Variants in TMEM132B observed in about 807,000 individuals in gnomAD.
TMEM132B encodes transmembrane protein 132B.
TMEM132B carries 18 observed loss-of-function variants against 90.8 expected under a neutral mutation model. The ratio of observed to expected loss-of-function variants is 0.20; its 90% CI spans 0.14 to 0.29. The LOEUF is 0.29. Among genes scored for constraint, TMEM132B ranks in the 10% least tolerant of loss-of-function variants. The pLI, the probability that TMEM132B is intolerant of heterozygous loss-of-function variation, is 1.00. For missense variants in TMEM132B, 1,096 were observed against 1,326.8 expected (o/e 0.83, Z 2.70); for synonymous variants, 504 against 523.3 (o/e 0.96, Z 0.50).
At position 125,652,571 on chromosome 12, in the gene TMEM132B, C is replaced by T; in HGVS notation, c.2045C>T (p.Ala682Val). 1 of 1,613,810 alleles carries T rather than the reference C, an allele frequency of 6.2e-7. No individual in the cohort carries two copies. The highest frequency in any genetic ancestry group is 8.5e-7 in the Non-Finnish European group (1 of 1,179,782). Reference protein sequence around the residue: ...GMSLSLQPHRADKRAIVSTAA... With the variant: ...GMSLSLQPHRVDKRAIVSTAA... ...TCTCTCTCCCTGCAGCCACACCGAG[C>T]AGACAAAAGGGCCATCGTCTCCACA... Residue 682 changes from alanine to valine, a missense_variant, in exon 8 of 9, where the codon GCA (alanine) becomes GTA (valine). Physicochemically the swap from Ala to Val is moderately conservative, Grantham distance 64. Transcript: ENST00000682704.
rs116898108 is a variant in TMEM132B, at chr12:125,504,506, T to C, written c.1107-14933T>C. 9.7e-4 allele frequency among the ~76,000 whole-genome samples: 147 copies of C among 152,270 alleles called. 1 individual carries two copies. In the East Asian group the frequency reaches 0.011, roughly 12 times the overall value. Reference sequence around the variant, plus strand: ...AGAGAACGCTGGTTGTCATTTGTGATACTCCTTGGAAAAGTTGTCTTCATC... The same window carrying C: ...AGAGAACGCTGGTTGTCATTTGTGACACTCCTTGGAAAAGTTGTCTTCATC... On this transcript the variant is annotated intron_variant, in intron 3 of 8. Coordinates refer to ENST00000682704, the MANE Select transcript of TMEM132B (RefSeq NM_001366854.1).
Position 125,656,808 on chromosome 12 carries a change from C to CACCA in TMEM132B, c.*2098_*2099insACCA, listed in dbSNP as rs1374880990. On this transcript the variant is annotated 3_prime_UTR_variant, in exon 9 of 9. Transcript: ENST00000682704. ...AGCTATCCAGGTGAGTCGGCTCCTT[C>CACCA]TATGAGGCTTTTCAATCGTCTCTCC... 6.6e-6 allele frequency: 1 copy of CACCA among 152,222 alleles called. No homozygotes were observed. Among genetic ancestry groups the CACCA allele is most frequent in the African/African-American group, 2.4e-5 (1 of 41,446 alleles). 9.4% of individuals were successfully genotyped at this position (152,222 alleles called of 1,614,324 possible).
At chr12:125,417,286 G>C (rs1344299905) in intron 3 of TMEM132B, among the ~76,000 whole-genome samples, 1 of 152,162 alleles carries the variant, frequency 6.6e-6, no homozygotes, top group African/African-American at 2.4e-5. Flanking sequence ...AATATCCATG[G>C]AAGTCTTCCC....
rs982451380 is a variant in TMEM132B, at chr12:125,420,406, TG to T, written c.1106+4733del. Among the ~76,000 whole-genome samples, 241 of 152,328 alleles carry T rather than the reference TG, an allele frequency of 1.6e-3. 1 individual carries two copies. Among genetic ancestry groups the T allele is most frequent in the African/African-American group, 5.5e-3 (228 of 41,576 alleles). ...ACACCACATGTAAGCTGCTAAGGCT[TG>T]GGGCTGGCACCCTCTGAAGCCATGA... On this transcript the variant is annotated intron_variant, in intron 3 of 8. Transcript: ENST00000682704.
intron 1 of TMEM132B, among the ~76,000 whole-genome samples, chr12:125,206,382 C>T (rs374817817): frequency 7.9e-5 from 12 of 152,206 alleles, no homozygotes; most frequent in East Asian, 5.8e-4. Context: ...GGATTACAGG[C>T]ACGTGCCTCC....
chr12:125,277,725 G>T lies in TMEM132B; in HGVS notation c.68-71727G>T, dbSNP rs1875037186. Among the ~76,000 whole-genome samples, 1 of 152,138 alleles carries T rather than the reference G, an allele frequency of 6.6e-6. No individual in the cohort carries two copies. Among genetic ancestry groups the T allele is most frequent in the Admixed American group, 6.5e-5 (1 of 15,280 alleles). On this transcript the variant is annotated intron_variant, in intron 1 of 8. Transcript: ENST00000682704. This position sits in a 1 kb window ranked among gnomAD's most constrained non-coding sequence, Gnocchi z 4.3. ...ACCTCTGGCCCCCAGGACTATGAGA[G>T]AATAAATTTCTGTTGTTATAAGCCA...
Position 125,556,580 on chromosome 12 carries a change from C to T in TMEM132B, c.1294-27271C>T, listed in dbSNP as rs145410102. ...GTTGAGTCTTTGAGAAAACCAGTTCCGTATGAATAAGAGCTCAAACTAATC... is the reference window on the plus strand; with the variant it reads ...GTTGAGTCTTTGAGAAAACCAGTTCTGTATGAATAAGAGCTCAAACTAATC... On this transcript the variant is annotated intron_variant, in intron 4 of 8. Coordinates refer to ENST00000682704, the MANE Select transcript of TMEM132B (RefSeq NM_001366854.1). Among the ~76,000 whole-genome samples, 110 of 152,242 alleles carry T rather than the reference C, an allele frequency of 7.2e-4. 1 individual carries two copies. The highest frequency in any genetic ancestry group is 3.4e-3 in the Middle Eastern group (1 of 294).
chr12:125,445,982 TG>T lies in TMEM132B; in HGVS notation c.1106+30310del, dbSNP rs1880997113. On this transcript the variant is annotated intron_variant, in intron 3 of 8. Coordinates refer to ENST00000682704, the MANE Select transcript of TMEM132B (RefSeq NM_001366854.1). The surrounding 1 kb of genome is among the most constrained non-coding windows in gnomAD (Gnocchi z 4.3). ...ATCCCAGTGGAATTCTCTGCTATCC[TG>T]GGGGCTGCAACCTCGCTTTCTCCAA... Among the ~76,000 whole-genome samples the T allele has an allele frequency of 6.6e-6, 1 of 151,826 alleles. No individual in the cohort carries two copies. Among genetic ancestry groups the T allele is most frequent in the Admixed American group, 6.6e-5 (1 of 15,258 alleles).
At chr12:125,356,910 T>C (rs1264174805) in intron 2 of TMEM132B, among the ~76,000 whole-genome samples, 1 of 152,244 alleles carries the variant, frequency 6.6e-6, no homozygotes, top group African/African-American at 2.4e-5. Context: ...GTCCTGATTT[T>C]TTGACCTACT....
chr12:125,350,039 A>G lies in TMEM132B; in HGVS notation c.655A>G (p.Thr219Ala), dbSNP rs1566010034. Residue 219 changes from threonine to alanine, a missense_variant, in exon 2 of 9, where the codon ACG becomes GCG. By Grantham distance (58) the Thr-to-Ala change is moderately conservative. Coordinates refer to ENST00000682704, the MANE Select transcript of TMEM132B (RefSeq NM_001366854.1). ...GATCCCAGCCCTGCTCGGGGGCACC[A>G]CGATGGAGCTCTTCTTCACGCTCTA... ...EEIPALLGGT[T>A]MELFFTLYPA... The G allele has an allele frequency of 5.6e-6, 9 of 1,614,228 alleles. No homozygotes were observed. The highest frequency in any genetic ancestry group is 7.6e-6 in the Non-Finnish European group (9 of 1,180,038).
chr12:125,333,468 TG>T (rs1425730490), intron 1 of TMEM132B, among the ~76,000 whole-genome samples: 3 of 152,234 alleles, frequency 2.0e-5, no homozygotes, highest in Non-Finnish European at 4.4e-5. Flanking sequence ...GAAGAATAAA[TG>T]TCTAAGTCTG....
intron 1 of TMEM132B, among the ~76,000 whole-genome samples, chr12:125,333,353 T>TA (rs1472711885): frequency 6.6e-6 from 1 of 152,228 alleles, no homozygotes; most frequent in Non-Finnish European, 1.5e-5. Flanking sequence ...TATTTCCAAG[T>TA]AAGGTGACAT....
At chr12:125,199,754 G>C (rs1297144899) in intron 1 of TMEM132B, among the ~76,000 whole-genome samples, 1 of 152,068 alleles carries the variant, frequency 6.6e-6, no homozygotes, top group African/African-American at 2.4e-5. Flanking sequence ...GGCTCAAAAT[G>C]ACAGCTACAG....
chr12:125,652,320 T>G lies in TMEM132B; in HGVS notation c.1915-121T>G. On this transcript the variant is annotated intron_variant, in intron 7 of 8. Transcript: ENST00000682704. Reference sequence around the variant, plus strand: ...AACGGCATAATACTTCCCTAACCGATTCCCACAAATGCATGCATTGAGCCA... The same window carrying G: ...AACGGCATAATACTTCCCTAACCGAGTCCCACAAATGCATGCATTGAGCCA... The G allele has an allele frequency of 4.6e-6, 4 of 873,964 alleles. 1 individual carries two copies. The highest frequency in any genetic ancestry group is 6.8e-6 in the Non-Finnish European group (4 of 584,760). 54.1% of individuals were successfully genotyped at this position (873,964 alleles called of 1,614,324 possible).
In TMEM132B at chr12:125,661,165, A is replaced by C. The variant is rs1887198163; in HGVS notation, c.*6455A>C. ...TGTAAGAATTTGACTTTCTGAATGA[A>C]ATAACAGAATGCCAGTGTCAACACT... is the stretch of plus-strand genomic sequence containing the variant. On this transcript the variant is annotated 3_prime_UTR_variant, in exon 9 of 9. Coordinates refer to ENST00000682704, the MANE Select transcript of TMEM132B (RefSeq NM_001366854.1). 6.6e-6 allele frequency: 1 copy of C among 152,240 alleles called. No individual in the cohort carries two copies. Among genetic ancestry groups the C allele is most frequent in the Admixed American group, 6.5e-5 (1 of 15,288 alleles). 9.4% of individuals were successfully genotyped at this position (152,240 alleles called of 1,614,324 possible).
intron 2 of TMEM132B, among the ~76,000 whole-genome samples, chr12:125,378,690 T>G (rs920288612): frequency 6.6e-6 from 1 of 152,148 alleles, no homozygotes; most frequent in Non-Finnish European, 1.5e-5. Context: ...TGGCCAGAAC[T>G]GTGCCATGGT....
At chr12:125,493,970 A>ATG (rs1882431624) in intron 3 of TMEM132B, among the ~76,000 whole-genome samples, 1 of 96,528 alleles carries the variant, frequency 1.0e-5, no homozygotes, top group African/African-American at 4.1e-5. Flanking sequence ...AAATGGCCGC[A>ATG]TCCCTCCTCC....
chr12:125,304,107 A>G (rs1350008958), intron 1 of TMEM132B, among the ~76,000 whole-genome samples: 2 of 152,210 alleles, frequency 1.3e-5, no homozygotes, highest in African/African-American at 2.4e-5. Context: ...GGAGCACACA[A>G]CCTAGATCCC....
rs767867995 is a variant in TMEM132B, at chr12:125,349,945, G to A, written c.561G>A (p.Leu187=). ...ASCRLQGAPG[L]CVAELELLPE... is the part of the protein sequence containing the mutation. ...GTCGGCTGCAAGGGGCCCCAGGGCT[G>A]TGTGTGGCTGAGCTGGAGCTGCTGC... The change falls in exon 2 of 9, where the codon CTG becomes CTA. Residue 187 remains leucine (L), a synonymous_variant. Coordinates refer to ENST00000682704, the MANE Select transcript of TMEM132B (RefSeq NM_001366854.1). The surrounding 1 kb of genome is among the most constrained non-coding windows in gnomAD (Gnocchi z 4.1). 16 of 1,614,100 alleles carry A rather than the reference G, an allele frequency of 9.9e-6. No individual in the cohort carries two copies. The highest frequency in any genetic ancestry group is 1.2e-5 in the Non-Finnish European group (14 of 1,180,044).
Sources: gnomAD v4.1 joint callset for allele counts (sites outside exome capture counted in the v4.1 genomes callset) on GRCh38, gnomAD v4.1.1 for gene constraint, Gnocchi (gnomAD v3.1) non-coding constraint, MANE v1.5 for transcripts, NCBI Gene and HGNC (gene_info 2026-07-23, HGNC 2026-07-21) for gene names.